Variants in LYN observed in about 807,000 individuals in gnomAD.
LYN encodes LYN proto-oncogene, Src family tyrosine kinase.
Under a neutral mutation model 65.0 loss-of-function variants are expected in LYN, and 12 were observed. That is an observed-to-expected ratio of 0.18 (90% CI 0.12 to 0.30). The LOEUF (loss-of-function observed/expected upper bound fraction) is 0.30, where lower values mean the gene tolerates loss of function less well. Among genes scored for constraint, LYN ranks in the 10% least tolerant of loss-of-function variants. The pLI is 1.00. For synonymous variants in LYN, 222 were observed against 221.2 expected (o/e 1.00, Z -0.03); for missense variants, 380 against 623.2 (o/e 0.61, Z 4.16).
intron 1 of LYN, among the ~76,000 whole-genome samples, chr8:55,909,459 G>T (rs1405574795): frequency 6.6e-6 from 1 of 152,308 alleles, no homozygotes; most frequent in Middle Eastern, 3.4e-3. Flanking sequence ...TGGCAGATTC[G>T]CCCCATTGGC....
rs890441361 is a variant in LYN, at chr8:56,014,040, G to A, written c.*3930G>A. On this transcript the variant is annotated 3_prime_UTR_variant, in exon 13 of 13. Transcript: ENST00000519728. ...AAAAATTATCTCTAACTCACACAACGACCCTGGAAGATCTGGACAATGCTA... is the reference window on the plus strand; with the variant it reads ...AAAAATTATCTCTAACTCACACAACAACCCTGGAAGATCTGGACAATGCTA... 6.6e-6 allele frequency: 1 copy of A among 152,164 alleles called. No homozygotes were observed. The highest frequency in any genetic ancestry group is 1.5e-5 in the Non-Finnish European group (1 of 68,048). 9.4% of individuals were successfully genotyped at this position (152,164 alleles called of 1,614,324 possible).
At chr8:56,002,839 G>A (rs957058113) in intron 12 of LYN, among the ~76,000 whole-genome samples, 1 of 151,966 alleles carries the variant, frequency 6.6e-6, no homozygotes, top group Non-Finnish European at 1.5e-5. Flanking sequence ...AGAGTTGTAT[G>A]TTACGAGAGC....
chr8:55,914,563 G>T (rs1052355662), intron 1 of LYN, among the ~76,000 whole-genome samples: 1 of 152,096 alleles, frequency 6.6e-6, no homozygotes, highest in African/African-American at 2.4e-5. Flanking sequence ...CCATCCACAT[G>T]CCTTCCAGGA....
chr8:55,885,001 G>A (rs1362167895), intron 1 of LYN, among the ~76,000 whole-genome samples: 1 of 152,138 alleles, frequency 6.6e-6, no homozygotes, highest in Non-Finnish European at 1.5e-5. Flanking sequence ...CCATGGCATT[G>A]CTCTTTCACT....
At chr8:55,889,300 C>T (rs1804887014) in intron 1 of LYN, among the ~76,000 whole-genome samples, 1 of 152,206 alleles carries the variant, frequency 6.6e-6, no homozygotes, top group Non-Finnish European at 1.5e-5. Context: ...CACCCTTGAC[C>T]TCCTGGGCTC....
At chr8:55,994,673 T>A (rs2719242) in intron 10 of LYN, among the ~76,000 whole-genome samples, 1 of 152,024 alleles carries the variant, frequency 6.6e-6, no homozygotes, top group African/African-American at 2.4e-5. Flanking sequence ...TTGTCAACTG[T>A]GGTTTCAGGC....
chr8:55,931,754 A>T (rs1295289596), intron 1 of LYN, among the ~76,000 whole-genome samples: 1 of 152,102 alleles, frequency 6.6e-6, no homozygotes. Context: ...CATGTTCTAG[A>T]TCAATTTTCC....
rs913084232 is a variant in LYN at position 55,969,585 on chromosome 8, A to G, written c.974-132A>G. The G allele has an allele frequency of 4.1e-5, 30 of 727,606 alleles. No homozygotes were observed. In the Admixed American group the frequency reaches 4.4e-4, roughly 11 times the overall value. The allele number at this position is 727,606 out of a possible 1,614,324, so 45.1% of individuals were successfully genotyped here. A position where few individuals can be genotyped will look rare whatever the true frequency, so the allele number is the denominator to read the frequency against. ...GACCAATGCCAGGAAAAGGCTTTAT[A>G]TAACCATACAGAATTGCAAAGCCAA... is the stretch of plus-strand genomic sequence containing the variant. On this transcript the variant is annotated intron_variant, in intron 9 of 12. Coordinates refer to ENST00000519728, the MANE Select transcript of LYN (RefSeq NM_002350.4).
rs1452269281 is a variant in LYN at position 56,013,208 on chromosome 8, A to G, written c.*3098A>G. 6.6e-6 allele frequency: 1 copy of G among 152,102 alleles called. No homozygotes were observed. Among genetic ancestry groups the G allele is most frequent in the African/African-American group, 2.4e-5 (1 of 41,418 alleles). The allele number at this position is 152,102 out of a possible 1,614,324, so 9.4% of individuals were successfully genotyped here. On this transcript the variant is annotated 3_prime_UTR_variant, in exon 13 of 13. Coordinates refer to ENST00000519728, the MANE Select transcript of LYN (RefSeq NM_002350.4). ...CACCAGGGATAGATCGAGGGCACTG[A>G]AAGCATCATAAGTATAAACTCATCT...
intron 12 of LYN, among the ~76,000 whole-genome samples, chr8:56,001,539 C>T (rs1282268727): frequency 6.6e-6 from 1 of 152,142 alleles, no homozygotes; most frequent in African/African-American, 2.4e-5. Context: ...TCTGCCTGCA[C>T]AGTGGACCGG....
At chr8:55,910,917 G>A (rs547330253) in intron 1 of LYN, among the ~76,000 whole-genome samples, 3 of 139,396 alleles carry the variant, frequency 2.2e-5, no homozygotes, top group African/African-American at 8.0e-5. Context: ...TTTTTTTTGA[G>A]ACAGAGTCTC....
At chr8:55,961,951 T>C (rs540276429) in intron 8 of LYN, among the ~76,000 whole-genome samples, 47 of 151,562 alleles carry the variant, frequency 3.1e-4, no homozygotes, top group African/African-American at 1.1e-3. Flanking sequence ...TGACTTCTTC[T>C]TAATTTTGCC....
In LYN at chr8:55,956,602, C is replaced by T. The variant is rs554078834; in HGVS notation, c.790+2618C>T. ...TAAGATTATGTAAATAGAACTTTCTCCAAATGGTTTCAGCACGATCTGTGA... is the reference window on the plus strand; with the variant it reads ...TAAGATTATGTAAATAGAACTTTCTTCAAATGGTTTCAGCACGATCTGTGA... On this transcript the variant is annotated intron_variant, in intron 8 of 12. Transcript: ENST00000519728. Among the ~76,000 whole-genome samples, 6 of 152,258 alleles carry T rather than the reference C, an allele frequency of 3.9e-5. 1 individual carries two copies. The highest frequency in any genetic ancestry group is 1.4e-4 in the African/African-American group (6 of 41,558).
chr8:55,898,792 T>C (rs975299993), intron 1 of LYN, among the ~76,000 whole-genome samples: 14 of 152,172 alleles, frequency 9.2e-5, no homozygotes, highest in African/African-American at 3.4e-4. Flanking sequence ...ACTAATCTAT[T>C]TCTAGCTCTA....
At chr8:55,998,316 A>G (rs751487927) in intron 10 of LYN, 30 bp from the exon 11 acceptor site, 1 of 1,594,254 alleles carries the variant, frequency 6.3e-7, no homozygotes, top group Admixed American at 1.7e-5. Context: ...TACCCTACAT[A>G]TGAAAATGGG....
chr8:55,933,800 A>G (rs76400205), intron 1 of LYN, among the ~76,000 whole-genome samples: 2,616 of 152,244 alleles, frequency 0.017, 37 homozygotes, highest in Non-Finnish European at 0.026. Context: ...TTGTCTTGCA[A>G]TTCTTTTCTG....
intron 1 of LYN, among the ~76,000 whole-genome samples, chr8:55,937,936 A>G (rs1806487127): frequency 6.6e-6 from 1 of 152,130 alleles, no homozygotes; most frequent in South Asian, 2.1e-4. Flanking sequence ...ACCTCAGATG[A>G]TCCACCCGCC....
chr8:55,942,415 G>GTGTATATATA (rs1563521298), intron 2 of LYN, among the ~76,000 whole-genome samples: 7 of 136,092 alleles, frequency 5.1e-5, no homozygotes, highest in African/African-American at 2.2e-4. Context: ...GTATATATAT[G>GTGTATATATA]TGTGTATATA....
At chr8:55,950,654 G>C in intron 5 of LYN, 27 bp from the exon 6 acceptor site, 1 of 1,585,302 alleles carries the variant, frequency 6.3e-7, no homozygotes. Context: ...AACATAATAT[G>C]CAGGAAATGT....
Sources: allele counts gnomAD v4.1 joint callset (sites outside exome capture counted in the v4.1 genomes callset), GRCh38; gene constraint gnomAD v4.1.1; transcripts MANE v1.5; gene names NCBI Gene and HGNC (gene_info 2026-07-23, HGNC 2026-07-21).